The following SLC2A7 variants were observed in gnomAD, a reference collection of about 807,000 sequenced individuals.
SLC2A7 encodes the protein solute carrier family 2, facilitated glucose transporter member 7.
In SLC2A7, 50 loss-of-function variants were observed where a neutral mutation model predicts 50.5. The ratio of observed to expected loss-of-function variants is 0.99; its 90% CI spans 0.79 to 1.25. SLC2A7 has a LOEUF of 1.25. SLC2A7 is among the 50% of genes most tolerant of loss of function. SLC2A7 has a pLI of 0.00. For synonymous variants in SLC2A7, 308 were observed against 300.4 expected, an observed-to-expected ratio of 1.03 and a Z score of -0.26; for missense variants, 683 against 679.1, an observed-to-expected ratio of 1.01 and a Z score of -0.06.
At chr1:9,010,338 G>A in intron 8 of SLC2A7, 94 bp from the exon 9 acceptor site, 1 of 934,778 alleles carries the variant, frequency 1.1e-6, no homozygotes, top group Non-Finnish European at 1.6e-6. Flanking sequence ...CCCCTCTTAG[G>A]TGCCCCTTTC....
intron 3 of SLC2A7, among the ~76,000 whole-genome samples, chr1:9,022,092 A>G (rs1640920810): frequency 6.6e-6 from 1 of 152,360 alleles, no homozygotes; most frequent in East Asian, 1.9e-4. Context: ...ATTAATTAAT[A>G]GATAATTAAT....
At position 9,018,214 on chromosome 1, in the gene SLC2A7, G is replaced by C; in HGVS notation, c.589+9C>G. The C allele has an allele frequency of 6.2e-7, 1 of 1,614,026 alleles. No homozygotes were observed. The highest frequency in any genetic ancestry group is 8.5e-7 in the Non-Finnish European group (1 of 1,179,974). On this transcript the variant is annotated intron_variant, in intron 5 of 11. Transcript: ENST00000400906. ...TGGACCTAGCGTGACCTCTGCGGCT[G>C]CCGGTTACCTGCCGGGTTGCCCAAG...
At chr1:9,018,491 A>G in intron 4 of SLC2A7, 116 bp from the exon 5 acceptor site, 1 of 1,423,010 alleles carries the variant, frequency 7.0e-7, no homozygotes. Flanking sequence ...CCCTCCGTGG[A>G]GATGGAGCTC....
intron 9 of SLC2A7, among the ~76,000 whole-genome samples, chr1:9,009,599 G>C (rs1039329757): frequency 6.6e-6 from 1 of 152,168 alleles, no homozygotes; most frequent in East Asian, 1.9e-4. Context: ...TGGGACTACA[G>C]GTGCACACCA....
At chr1:9,009,780 T>C (rs1321874000) in intron 9 of SLC2A7, among the ~76,000 whole-genome samples, 3 of 152,176 alleles carry the variant, frequency 2.0e-5, no homozygotes, top group Admixed American at 1.3e-4. Flanking sequence ...TCGAATGGGG[T>C]GACTTCTGGT....
chr1:9,021,854 A>T (rs1030364871), intron 3 of SLC2A7, among the ~76,000 whole-genome samples: 2 of 152,268 alleles, frequency 1.3e-5, no homozygotes, highest in East Asian at 1.9e-4. Context: ...CAGGCTCTTC[A>T]TCTGGAAAAT....
rs1640631776 is a variant in SLC2A7, at chr1:9,004,851, C to T, written c.1221G>A (p.Glu407=). The change falls in exon 11 of 12, where the codon GAG becomes GAA. Residue 407 remains glutamate (E), a synonymous_variant. Transcript: ENST00000400906. ...CCCGCCGGGAGGACTGCAGGAAGAT[C>T]TCGGTCCTCACCACCGAGGGGACAG... is the stretch of plus-strand genomic sequence containing the variant. The part of the protein sequence containing the change: ...PSPVPSVVRT[E]IFLQSSRRAA... 1.1e-5 allele frequency: 17 copies of T among 1,613,992 alleles called. No individual in the cohort carries two copies. The highest frequency in any genetic ancestry group is 1.4e-5 in the Non-Finnish European group (17 of 1,179,928).
In SLC2A7 at chr1:9,010,149, T is replaced by C. The variant is rs539234300; in HGVS notation, c.1110A>G (p.Leu370=). 29 of 1,542,868 alleles carry C rather than the reference T, an allele frequency of 1.9e-5. No individual in the cohort carries two copies. The East Asian group carries it at 6.9e-4, about 37-fold the overall frequency. ...SACLVLTVVL[L]FQNRVPELSY... ...GCAGGAAATGAGGTCAGACCTGGAA[T>C]AGGAGCACCACCGTCAGCACCAGGC... The change falls in exon 9 of 12, where the codon CTA becomes CTG. Residue 370 remains leucine, a synonymous_variant. Coordinates refer to ENST00000400906, the MANE Select transcript of SLC2A7 (RefSeq NM_207420.3).
At chr1:8,995,475 G>A in the SLC2A7 span, among the ~76,000 whole-genome samples, 3 of 151,614 alleles carry the variant, frequency 2.0e-5, no homozygotes, top group Admixed American at 6.6e-5. Flanking sequence ...GGCCAGGCAC[G>A]GTGGCCTACT....
chr1:8,996,599 A>G, the SLC2A7 span, among the ~76,000 whole-genome samples: 1 of 152,200 alleles, frequency 6.6e-6, no homozygotes, highest in Non-Finnish European at 1.5e-5. Context: ...CAGGCTGGCA[A>G]GCTGCTTTTG....
At chr1:9,015,521 C>A (rs1640817128) in intron 5 of SLC2A7, among the ~76,000 whole-genome samples, 1 of 152,160 alleles carries the variant, frequency 6.6e-6, no homozygotes, top group Non-Finnish European at 1.5e-5. Context: ...TGAGCTCAGT[C>A]TTGTTCCTAC....
At chr1:9,022,444 A>T (rs1462664645) in intron 3 of SLC2A7, among the ~76,000 whole-genome samples, 3 of 152,068 alleles carry the variant, frequency 2.0e-5, no homozygotes, top group Non-Finnish European at 4.4e-5. Context: ...CTTCATTTCC[A>T]AATAATCTCG....
intron 5 of SLC2A7, among the ~76,000 whole-genome samples, chr1:9,016,370 G>A (rs906175685): frequency 4.6e-5 from 7 of 152,254 alleles, no homozygotes; most frequent in Admixed American, 1.3e-4. Flanking sequence ...TTTGGGAGGC[G>A]GAGGCAGGAG....
chr1:8,994,235 G>A, the SLC2A7 span, among the ~76,000 whole-genome samples: 5 of 152,320 alleles, frequency 3.3e-5, no homozygotes, highest in East Asian at 3.9e-4. Context: ...CCAGGCTCAC[G>A]CTTTGCCCTC....
chr1:8,992,861 A>T, the SLC2A7 span, among the ~76,000 whole-genome samples: 1 of 152,146 alleles, frequency 6.6e-6, no homozygotes, highest in Non-Finnish European at 1.5e-5. Context: ...CCAGCCTTGC[A>T]GCCCAGCCAC....
Position 9,014,830 on chromosome 1 carries a change from C to T in SLC2A7, c.754G>A (p.Glu252Lys), listed in dbSNP as rs753910234. The change falls in exon 7 of 12, where the codon GAG becomes AAG. Residue 252 changes from glutamate to lysine, a missense_variant. Physicochemically the swap from Glu to Lys is moderately conservative, Grantham distance 56 (BLOSUM62 1). Transcript: ENST00000400906. Reference sequence around the variant, plus strand: ...GCCTCCGCACGCATGTCCTCCAGCTCGGCCTCCATGTCCGTGTGGCCTCTC... The same window carrying T: ...GCCTCCGCACGCATGTCCTCCAGCTTGGCCTCCATGTCCGTGTGGCCTCTC... Reference protein sequence around the residue: ...RLRGHTDMEAELEDMRAEARA... With the variant: ...RLRGHTDMEAKLEDMRAEARA... 1.9e-5 allele frequency: 30 copies of T among 1,605,250 alleles called. No individual in the cohort carries two copies. The highest frequency in any genetic ancestry group is 3.3e-5 in the South Asian group (3 of 89,578).
At chr1:9,019,077 G>A in intron 4 of SLC2A7, 132 bp downstream of exon 4, 1 of 1,207,278 alleles carries the variant, frequency 8.3e-7, no homozygotes, top group African/African-American at 1.5e-5. Context: ...CAAGGGCCTG[G>A]GGATGCAGAT....
chr1:9,003,171 A>G lies in SLC2A7; in HGVS notation c.*129T>C. 1.4e-6 allele frequency: 1 copy of G among 730,428 alleles called. No homozygotes were observed. The highest frequency in any genetic ancestry group is 2.3e-6 in the Non-Finnish European group (1 of 444,434). The allele number at this position is 730,428 out of a possible 1,614,324, so 45.2% of individuals were successfully genotyped here. On this transcript the variant is annotated 3_prime_UTR_variant, in exon 12 of 12. Coordinates refer to ENST00000400906, the MANE Select transcript of SLC2A7 (RefSeq NM_207420.3). ...TTGTTGTGGGTATTTAATAATATCC[A>G]TAATTAAGTTAAATGGGGGCAACGA...
At chr1:9,009,315 T>C (rs1398230261) in intron 9 of SLC2A7, among the ~76,000 whole-genome samples, 1 of 152,188 alleles carries the variant, frequency 6.6e-6, no homozygotes, top group Non-Finnish European at 1.5e-5. Flanking sequence ...AGATTTTATA[T>C]CATGACACAC....
Sources: allele counts gnomAD v4.1 joint callset (sites outside exome capture counted in the v4.1 genomes callset), GRCh38; gene constraint gnomAD v4.1.1; transcripts MANE v1.5; gene names NCBI Gene and HGNC (gene_info 2026-07-23, HGNC 2026-07-21).